CFAP97: variants seen among roughly 807,000 people sequenced by gnomAD.
The protein encoded by CFAP97 is cilia and flagella associated protein 97.
CFAP97 carries 36 observed loss-of-function variants against 43.1 expected under a neutral mutation model. That is an observed-to-expected ratio of 0.84 (90% confidence interval 0.64 to 1.10). The LOEUF (loss-of-function observed/expected upper bound fraction) is 1.10, where lower values mean the gene tolerates loss of function less well. Ranked by LOEUF, CFAP97 falls within the 50% of genes least tolerant of loss-of-function variation. The pLI, the probability that CFAP97 is intolerant of heterozygous loss-of-function variation, is 0.00. For synonymous variants in CFAP97, 228 were observed against 225.7 expected (o/e 1.01, Z -0.09); for missense variants, 657 against 620.3 (o/e 1.06, Z -0.63).
At chr4:185,206,969 G>A (rs904412088), upstream of CFAP97, among the ~76,000 whole-genome samples, 3 of 152,128 alleles carry the variant, frequency 2.0e-5, no homozygotes, top group African/African-American at 7.2e-5. Flanking sequence ...AGAGCCTGGA[G>A]TTCTGATGTC....
Position 185,190,928 on chromosome 4 carries a change from C to G in CFAP97, c.269G>C (p.Ser90Thr), listed in dbSNP as rs759663072. The change falls in exon 2 of 5, where the codon AGT becomes ACT. Residue 90 changes from serine to threonine, a missense_variant. Coordinates refer to ENST00000458385, the MANE Select transcript of CFAP97 (RefSeq NM_020827.3). Reference protein sequence around the residue: ...PVENDVTQTVSSFSLPASSRS... With the variant: ...PVENDVTQTVTSFSLPASSRS... ...TGAAGAGGCTGGCAATGAGAAAGAA[C>G]TTACAGTTTGTGTAACATCATTCTC... is the stretch of plus-strand genomic sequence containing the variant. 5.6e-6 allele frequency: 9 copies of G among 1,613,602 alleles called. No individual in the cohort carries two copies. The highest frequency in any genetic ancestry group is 5.5e-5 in the South Asian group (5 of 91,046).
intron 2 of CFAP97, among the ~76,000 whole-genome samples, chr4:185,184,208 C>A (rs78206880): frequency 3.3e-4 from 50 of 152,156 alleles, no homozygotes; most frequent in Non-Finnish European, 5.0e-4. Flanking sequence ...GAACCCAAAT[C>A]TGCATTTTAA....
chr4:185,162,746 A>G lies in CFAP97; in HGVS notation c.*52T>C. 6.4e-7 allele frequency: 1 copy of G among 1,573,240 alleles called. No individual in the cohort carries two copies. On this transcript the variant is annotated 3_prime_UTR_variant, in exon 5 of 5. Transcript: ENST00000458385. ...TACACAGAGAATTATAGGAATATGCACGAGCACTTCAAGAAAAGTTGTGTG... is the reference window on the plus strand; with the variant it reads ...TACACAGAGAATTATAGGAATATGCGCGAGCACTTCAAGAAAAGTTGTGTG...
At chr4:185,171,441 T>C (rs1272357636) in intron 3 of CFAP97, among the ~76,000 whole-genome samples, 1 of 152,214 alleles carries the variant, frequency 6.6e-6, no homozygotes, top group Non-Finnish European at 1.5e-5. Context: ...TAACTCCATT[T>C]AGTTAACTTT....
At chr4:185,168,729 C>T (rs1735167955) in intron 3 of CFAP97, among the ~76,000 whole-genome samples, 1 of 152,038 alleles carries the variant, frequency 6.6e-6, no homozygotes, top group South Asian at 2.1e-4. Flanking sequence ...CCCATCTCTA[C>T]TAAAAATACA....
At position 185,159,991 on chromosome 4, in the gene CFAP97, C is replaced by T. The variant is rs1734820078; in HGVS notation, c.*2807G>A. ...CAGTATTTGAAGAATCTGAAGATGA[C>T]AGGCACAGCCGTCACTTACCCATGA... On this transcript the variant is annotated 3_prime_UTR_variant, in exon 5 of 5. Coordinates refer to ENST00000458385, the MANE Select transcript of CFAP97 (RefSeq NM_020827.3). 1 of 152,206 alleles carries T rather than the reference C, an allele frequency of 6.6e-6. No individual in the cohort carries two copies. The highest frequency in any genetic ancestry group is 2.1e-4 in the South Asian group (1 of 4,832). The allele number at this position is 152,206 out of a possible 1,614,324, so 9.4% of individuals were successfully genotyped here.
upstream of CFAP97, among the ~76,000 whole-genome samples, chr4:185,204,768 C>G (rs1396614462): frequency 6.6e-6 from 1 of 152,186 alleles, no homozygotes; most frequent in Non-Finnish European, 1.5e-5. Flanking sequence ...AGCACAGAAG[C>G]TAGAGGTTGG....
At chr4:185,191,909 TAG>T (rs1736275550) in intron 1 of CFAP97, among the ~76,000 whole-genome samples, 2 of 152,010 alleles carry the variant, frequency 1.3e-5, no homozygotes, top group South Asian at 4.1e-4. Flanking sequence ...TAAGAAAGGA[TAG>T]AGTTAAAAAA....
At chr4:185,205,383 G>A (rs566997694), upstream of CFAP97, among the ~76,000 whole-genome samples, 24 of 152,208 alleles carry the variant, frequency 1.6e-4, no homozygotes, top group Middle Eastern at 3.4e-3. Flanking sequence ...GAACTCCGGA[G>A]GTGGAGGTTG....
At chr4:185,165,445 GAA>G (rs1560853487) in intron 3 of CFAP97, among the ~76,000 whole-genome samples, 1 of 152,190 alleles carries the variant, frequency 6.6e-6, no homozygotes. Context: ...CTTAAAAGGT[GAA>G]AGAGTTTATC....
intron 2 of CFAP97, among the ~76,000 whole-genome samples, chr4:185,182,777 A>G (rs1386980569): frequency 6.6e-6 from 1 of 152,162 alleles, no homozygotes; most frequent in Non-Finnish European, 1.5e-5. Context: ...CATAGGCTTA[A>G]TATTTTATAG....
intron 4 of CFAP97, among the ~76,000 whole-genome samples, chr4:185,163,547 C>T (rs1236217874): frequency 1.3e-5 from 2 of 151,932 alleles, no homozygotes; most frequent in Admixed American, 1.3e-4. Context: ...CTGGCTAGGT[C>T]TGTAACTGAT....
At chr4:185,164,691 C>A (rs1735002271) in intron 3 of CFAP97, among the ~76,000 whole-genome samples, 2 of 152,172 alleles carry the variant, frequency 1.3e-5, no homozygotes, top group Non-Finnish European at 2.9e-5. Context: ...ACAACAACAA[C>A]AAACAACAAA....
intron 2 of CFAP97, among the ~76,000 whole-genome samples, chr4:185,177,922 T>G (rs1284562687): frequency 6.6e-6 from 1 of 152,104 alleles, no homozygotes; most frequent in Non-Finnish European, 1.5e-5. Flanking sequence ...GTCACAAAAA[T>G]TGTAACTCTA....
intron 1 of CFAP97, among the ~76,000 whole-genome samples, chr4:185,195,923 C>T (rs1215855007): frequency 6.6e-6 from 1 of 152,172 alleles, no homozygotes; most frequent in Non-Finnish European, 1.5e-5. Context: ...GGATACCCCA[C>T]AGTGTAATGG....
chr4:185,169,823 TCA>T, intron 3 of CFAP97: 5 of 985,330 alleles, frequency 5.1e-6, no homozygotes, highest in Non-Finnish European at 6.0e-6. Flanking sequence ...ACAGTGGGAG[TCA>T]CACTGAGTTA....
At chr4:185,203,451 AT>A (rs566556331) in intron 1 of CFAP97, among the ~76,000 whole-genome samples, 41 of 152,264 alleles carry the variant, frequency 2.7e-4, no homozygotes, top group African/African-American at 9.1e-4. Flanking sequence ...GTACATGAAA[AT>A]CCCGGCCCAA....
At chr4:185,163,960 CAT>C (rs1344723000) in intron 4 of CFAP97, 67 bp downstream of exon 4, 9 of 1,397,818 alleles carry the variant, frequency 6.4e-6, no homozygotes, top group African/African-American at 2.9e-5. Flanking sequence ...ATCATAATAA[CAT>C]GTTACGTTTT....
chr4:185,177,069 T>C (rs1225871578), intron 2 of CFAP97, among the ~76,000 whole-genome samples: 1 of 152,136 alleles, frequency 6.6e-6, no homozygotes, highest in Admixed American at 6.6e-5. Context: ...GTAGAAAACA[T>C]CCAAAAGTAT....
Sources: allele counts gnomAD v4.1 joint callset (sites outside exome capture counted in the v4.1 genomes callset), GRCh38; gene constraint gnomAD v4.1.1; transcripts MANE v1.5; gene names NCBI Gene and HGNC (gene_info 2026-07-23, HGNC 2026-07-21).